The following CACNA1C variants were observed in gnomAD, a reference collection of about 807,000 sequenced individuals.
CACNA1C encodes the protein calcium voltage-gated channel subunit alpha1 C, also known as voltage-dependent L-type calcium channel subunit alpha-1C.
Under a neutral mutation model 229.0 loss-of-function variants are expected in CACNA1C, and 30 were observed. The ratio of observed to expected loss-of-function variants is 0.13; its 90% CI spans 0.10 to 0.18. The LOEUF (loss-of-function observed/expected upper bound fraction) is 0.18. Ranked by LOEUF, CACNA1C falls within the 10% of genes least tolerant of loss-of-function variation. The pLI, the probability that CACNA1C is intolerant of heterozygous loss-of-function variation, is 1.00. For synonymous variants in CACNA1C, 1,114 were observed against 1,132.5 expected (o/e 0.98, Z 0.33); for missense variants, 1,658 against 2,845.0 (o/e 0.58, Z 9.49).
chr12:2,400,602 A>G (rs1162024722), intron 3 of CACNA1C, among the ~76,000 whole-genome samples: 1 of 152,184 alleles, frequency 6.6e-6, no homozygotes, highest in Non-Finnish European at 1.5e-5. Flanking sequence ...CGTGCTTAGC[A>G]TGGCATCTTC....
intron 3 of CACNA1C, among the ~76,000 whole-genome samples, chr12:2,225,578 G>GGC (rs1178096313): frequency 6.6e-6 from 1 of 152,150 alleles, no homozygotes; most frequent in Non-Finnish European, 1.5e-5. Context: ...GATCCTAGTG[G>GGC]GCGGAGTGGG....
intron 3 of CACNA1C, among the ~76,000 whole-genome samples, chr12:2,303,954 T>C (rs1172641825): frequency 2.0e-5 from 3 of 152,232 alleles, no homozygotes; most frequent in African/African-American, 7.2e-5. Context: ...TGGTGAGCGC[T>C]GGCTTGGCGT....
At chr12:1,983,904 G>T (rs547080158) in intron 1 of CACNA1C, among the ~76,000 whole-genome samples, 11 of 151,762 alleles carry the variant, frequency 7.2e-5, no homozygotes, top group African/African-American at 2.4e-4. Context: ...ACACTTTGAA[G>T]CTCTGTATTT....
chr12:2,224,691 G>A (rs991366675), intron 3 of CACNA1C, among the ~76,000 whole-genome samples: 2 of 152,168 alleles, frequency 1.3e-5, no homozygotes, highest in African/African-American at 4.8e-5. Flanking sequence ...ATGAAGAAAA[G>A]GCAACTTAGC....
rs2153729186 is a variant in CACNA1C at position 2,668,966 on chromosome 12, G to A, written c.4657G>A (p.Asp1553Asn). 1 of 1,614,070 alleles carries A rather than the reference G, an allele frequency of 6.2e-7. No homozygotes were observed. The highest frequency in any genetic ancestry group is 8.5e-7 in the Non-Finnish European group (1 of 1,179,960). The change falls in exon 38 of 47, where the codon GAC (aspartate) becomes AAC (asparagine). Residue 1553 changes from aspartate (D) to asparagine (N), a missense_variant. Transcript: ENST00000399655. ...CTCCATGAACATGCCTCTGAACAGCGACGGGACAGTCATGTTCAATGCCAC... is the reference window on the plus strand; with the variant it reads ...CTCCATGAACATGCCTCTGAACAGCAACGGGACAGTCATGTTCAATGCCAC... The part of the protein sequence containing the change: ...LVSMNMPLNS[D>N]GTVMFNATLF...
At chr12:2,119,039 T>G (rs111741087) in intron 2 of CACNA1C, among the ~76,000 whole-genome samples, 1,961 of 152,278 alleles carry the variant, frequency 0.013, 51 homozygotes, top group African/African-American at 0.044. Flanking sequence ...GGCTGCCCCT[T>G]AACACGTCAG....
At chr12:2,167,832 C>T (rs978641635) in intron 3 of CACNA1C, among the ~76,000 whole-genome samples, 1 of 152,304 alleles carries the variant, frequency 6.6e-6, no homozygotes, top group Admixed American at 6.5e-5. Context: ...AGATTGGGTT[C>T]TGCTCTCAAG....
intron 3 of CACNA1C, among the ~76,000 whole-genome samples, chr12:2,388,138 G>A (rs2098424225): frequency 6.6e-6 from 1 of 152,184 alleles, no homozygotes; most frequent in Non-Finnish European, 1.5e-5. Flanking sequence ...GGGCTGGGGG[G>A]CTGGGGAAAA....
chr12:2,360,151 A>ACCCCCCCCCCCCCCCCCCCC (rs1235106830), intron 3 of CACNA1C, among the ~76,000 whole-genome samples: 4 of 67,602 alleles, frequency 5.9e-5, no homozygotes, highest in African/African-American at 1.9e-4. Flanking sequence ...ACACAAACAC[A>ACCCCCCCCCCCCCCCCCCCC]CCCCACCCCC....
Position 2,694,530 on chromosome 12 carries a change from C to G in CACNA1C, c.*3331C>G, listed in dbSNP as rs2097822588. ...TGATTCAGAAGGTACTAGTTATAAC[C>G]CCTTTCCTTCTTCTTAATCCAATAG... On this transcript the variant is annotated 3_prime_UTR_variant, in exon 47 of 47. Coordinates refer to ENST00000399655, the MANE Select transcript of CACNA1C (RefSeq NM_000719.7). 1 of 152,192 alleles carries G rather than the reference C, an allele frequency of 6.6e-6. No homozygotes were observed. The highest frequency in any genetic ancestry group is 1.5e-5 in the Non-Finnish European group (1 of 68,028). 9.4% of individuals were successfully genotyped at this position (152,192 alleles called of 1,614,324 possible).
intron 3 of CACNA1C, among the ~76,000 whole-genome samples, chr12:2,283,453 T>C (rs2154439918): frequency 6.6e-6 from 1 of 152,248 alleles, no homozygotes; most frequent in South Asian, 2.1e-4. Context: ...GGGAAGACCA[T>C]GGACCCCTTA....
intron 10 of CACNA1C, among the ~76,000 whole-genome samples, chr12:2,552,003 G>A (rs1193320221): frequency 1.3e-5 from 2 of 152,180 alleles, no homozygotes; most frequent in Admixed American, 1.3e-4. Flanking sequence ...CCAATGAGGT[G>A]ATAGGACGGG....
At chr12:2,000,304 C>T (rs944217036) in intron 1 of CACNA1C, among the ~76,000 whole-genome samples, 33 of 152,100 alleles carry the variant, frequency 2.2e-4, no homozygotes, top group Non-Finnish European at 4.4e-5. Context: ...AGGATCACTC[C>T]CCACAAGATC....
chr12:2,089,960 C>T (rs555989852), intron 1 of CACNA1C, among the ~76,000 whole-genome samples: 9 of 152,172 alleles, frequency 5.9e-5, no homozygotes, highest in Non-Finnish European at 1.3e-4. Flanking sequence ...ACCCGGGAGG[C>T]GGAGGTTGCG....
chr12:2,449,698 T>C (rs2099341340), intron 4 of CACNA1C, among the ~76,000 whole-genome samples: 1 of 152,220 alleles, frequency 6.6e-6, no homozygotes, highest in Non-Finnish European at 1.5e-5. Flanking sequence ...ACCTGAGTGC[T>C]CCTGATGGAA....
At chr12:2,119,415 C>T (rs1183078030) in intron 2 of CACNA1C, among the ~76,000 whole-genome samples, 1 of 152,182 alleles carries the variant, frequency 6.6e-6, no homozygotes, top group African/African-American at 2.4e-5. Flanking sequence ...GAAGCTTCCC[C>T]TTGCTGGCCT....
At chr12:2,417,842 C>T (rs999283866) in intron 3 of CACNA1C, among the ~76,000 whole-genome samples, 9 of 152,052 alleles carry the variant, frequency 5.9e-5, no homozygotes, top group African/African-American at 1.9e-4. Flanking sequence ...CTACCCCTCC[C>T]GCCTGTAGCA....
intron 29 of CACNA1C, among the ~76,000 whole-genome samples, chr12:2,621,580 G>A (rs1255073170): frequency 6.6e-6 from 1 of 152,170 alleles, no homozygotes; most frequent in African/African-American, 2.4e-5. Flanking sequence ...CAGCATGCTG[G>A]CTGCTCATTG....
At chr12:2,304,915 G>C (rs2094894351) in intron 3 of CACNA1C, among the ~76,000 whole-genome samples, 1 of 152,218 alleles carries the variant, frequency 6.6e-6, no homozygotes, top group African/African-American at 2.4e-5. Flanking sequence ...GGGGCTTTAT[G>C]TTTTTACAGA....
Sources: allele counts gnomAD v4.1 joint callset (sites outside exome capture counted in the v4.1 genomes callset), GRCh38; gene constraint gnomAD v4.1.1; transcripts MANE v1.5; gene names NCBI Gene and HGNC (gene_info 2026-07-23, HGNC 2026-07-21).